Variants in BBOF1 observed in about 807,000 individuals in gnomAD.
BBOF1 encodes basal body orientation factor 1.
Under a neutral mutation model 68.0 loss-of-function variants are expected in BBOF1, and 62 were observed. The ratio of observed to expected loss-of-function variants is 0.91; its 90% CI spans 0.74 to 1.13. The LOEUF (loss-of-function observed/expected upper bound fraction) is 1.13, where lower values mean the gene tolerates loss of function less well. BBOF1 is among the 50% of genes most tolerant of loss of function. The probability of loss-of-function intolerance (pLI) is 0.00; values close to 1 mark genes in which losing one functional copy is unlikely to be tolerated. For synonymous variants in BBOF1, 208 were observed against 198.8 expected, an observed-to-expected ratio of 1.05 and a Z score of -0.39; for missense variants, 534 against 600.1, an observed-to-expected ratio of 0.89 and a Z score of 1.15.
chr14:74,060,106 A>G (rs1595101645), intron 11 of BBOF1: 1 of 160,582 alleles, frequency 6.2e-6, no homozygotes, highest in African/African-American at 2.4e-5. Flanking sequence ...TTCCCCATCT[A>G]AGAGTTCTTC....
intron 9 of BBOF1, chr14:74,072,154 A>T (rs2060558905): frequency 6.2e-7 from 1 of 1,613,442 alleles, no homozygotes; most frequent in Non-Finnish European, 8.5e-7. Flanking sequence ...AGAGTGACAA[A>T]CATGCCCTAG....
chr14:74,050,504 T>A lies in BBOF1; in HGVS notation c.1286+309T>A, dbSNP rs550717846. On this transcript the variant is annotated intron_variant, in intron 8 of 11. Transcript: ENST00000394009. ...GGTCATTATGTATCTTTTCACTTGT[T>A]CCTTTGTTTCCCATAAATTGGACAT... 3.9e-5 allele frequency among the ~76,000 whole-genome samples: 6 copies of A among 152,304 alleles called. No homozygotes were observed. The South Asian group carries it at 1.2e-3, about 32-fold the overall frequency.
downstream of BBOF1, chr14:74,068,928 A>G: frequency 6.2e-7 from 1 of 1,614,024 alleles, no homozygotes; most frequent in Non-Finnish European, 8.5e-7. Context: ...GCCTTGTTGG[A>G]TCCCACAAAG....
Position 74,019,369 on chromosome 14 carries a change from G to GGC in BBOF1, c.-106_-105dup. The GGC allele has an allele frequency of 7.3e-7, 1 of 1,367,084 alleles. No individual in the cohort carries two copies. Among genetic ancestry groups the GGC allele is most frequent in the Non-Finnish European group, 9.5e-7 (1 of 1,049,962 alleles). The allele number at this position is 1,367,084 out of a possible 1,614,324, so 84.7% of individuals were successfully genotyped here. A position where few individuals can be genotyped will look rare whatever the true frequency, so the allele number is the denominator to read the frequency against. ...CGTGCGCTCTCCGCGCGCCGTCAGC[G>GGC]GCGCGGGTGGGGCATTGCCAGCTCG... On this transcript the variant is annotated 5_prime_UTR_variant, in exon 1 of 12. Coordinates refer to ENST00000394009, the MANE Select transcript of BBOF1 (RefSeq NM_025057.3).
At chr14:74,050,441 A>G (rs1310857683) in intron 8 of BBOF1, among the ~76,000 whole-genome samples, 2 of 152,166 alleles carry the variant, frequency 1.3e-5, no homozygotes, top group African/African-American at 2.4e-5. Flanking sequence ...TAAGGAGACT[A>G]TTTTTCCCAT....
At chr14:74,054,373 G>GT (rs1213278472) in intron 8 of BBOF1, among the ~76,000 whole-genome samples, 8 of 149,116 alleles carry the variant, frequency 5.4e-5, no homozygotes, top group Middle Eastern at 3.4e-3. Flanking sequence ...TTACATTACA[G>GT]TTTTTTTTGT....
At chr14:74,043,752 C>T (rs1477644619) in intron 5 of BBOF1, among the ~76,000 whole-genome samples, 3 of 148,630 alleles carry the variant, frequency 2.0e-5, no homozygotes, top group South Asian at 2.3e-4. Context: ...AGGCTGGTCT[C>T]GAACTCCTGA....
At position 74,030,868 on chromosome 14, in the gene BBOF1, A is replaced by G. The variant is rs189268874; in HGVS notation, c.351+1619A>G. 2.2e-3 allele frequency among the ~76,000 whole-genome samples: 339 copies of G among 151,832 alleles called. 5 individuals are homozygous for G. In the Middle Eastern group the frequency reaches 0.045, roughly 20 times the overall value. On this transcript the variant is annotated intron_variant, in intron 3 of 11. Transcript: ENST00000394009. ...TGTTTTATCCTCTCTTTAAAAAAAA[A>G]GGTTGCTTAAAAAATTGTTTCCTTA...
At chr14:74,081,287 T>C (rs1011651435) in intron 12 of BBOF1, 1 of 152,210 alleles carries the variant, frequency 6.6e-6, no homozygotes, top group African/African-American at 2.4e-5. Flanking sequence ...AAGTACTTAG[T>C]AAGCAATATT....
chr14:74,060,490 G>C, intron 11 of BBOF1: 1 of 698,170 alleles, frequency 1.4e-6, no homozygotes, highest in South Asian at 1.5e-5. Context: ...GTTCCCTATA[G>C]AAACTTTGCG....
chr14:74,053,862 C>A (rs1443963301), intron 8 of BBOF1, among the ~76,000 whole-genome samples: 3 of 151,874 alleles, frequency 2.0e-5, no homozygotes, highest in Non-Finnish European at 4.4e-5. Flanking sequence ...CAGGTGCATG[C>A]CACCACGTCT....
chr14:74,033,940 T>A, intron 3 of BBOF1, 88 bp from the exon 4 acceptor site: 1 of 867,862 alleles, frequency 1.2e-6, no homozygotes, highest in Non-Finnish European at 1.7e-6. Context: ...AAAGAAGATA[T>A]GCAAATGGCG....
At chr14:74,021,263 C>T (rs1336380389) in intron 1 of BBOF1, among the ~76,000 whole-genome samples, 1 of 152,052 alleles carries the variant, frequency 6.6e-6, no homozygotes, top group Non-Finnish European at 1.5e-5. Flanking sequence ...TTCCTCTCCA[C>T]CTCTATATAA....
downstream of BBOF1, chr14:74,068,752 G>C: frequency 7.4e-7 from 1 of 1,349,378 alleles, no homozygotes; most frequent in Non-Finnish European, 1.0e-6. Context: ...AAAAAAGAAA[G>C]AAACACTGAC....
intron 6 of BBOF1, among the ~76,000 whole-genome samples, chr14:74,047,706 TG>T (rs1399154003): frequency 1.3e-5 from 2 of 152,174 alleles, no homozygotes; most frequent in Non-Finnish European, 2.9e-5. Flanking sequence ...CTCAAAGTGC[TG>T]GGATTATAGA....
intron 11 of BBOF1, chr14:74,060,524 T>G: frequency 9.8e-6 from 8 of 814,718 alleles, no homozygotes; most frequent in East Asian, 2.5e-5. Context: ...CTGAGGAAGA[T>G]TTTAGTTACA....
At chr14:74,045,273 A>G in intron 5 of BBOF1, among the ~76,000 whole-genome samples, 1 of 151,944 alleles carries the variant, frequency 6.6e-6, no homozygotes, top group East Asian at 1.9e-4. Context: ...AGTATCTAAA[A>G]CAGTCTGGTA....
At chr14:74,024,194 C>A (rs1445565813) in intron 2 of BBOF1, among the ~76,000 whole-genome samples, 1 of 152,082 alleles carries the variant, frequency 6.6e-6, no homozygotes, top group African/African-American at 2.4e-5. Context: ...TGTGGTAGCT[C>A]ATGCCTATAA....
intron 10 of BBOF1, among the ~76,000 whole-genome samples, chr14:74,080,278 A>G (rs2060657475): frequency 6.6e-6 from 1 of 151,824 alleles, no homozygotes; most frequent in Non-Finnish European, 1.5e-5. Context: ...CTGTCCTGCC[A>G]TTATCCCAGT....
Sources: gnomAD v4.1 joint callset for allele counts (sites outside exome capture counted in the v4.1 genomes callset) on GRCh38, gnomAD v4.1.1 for gene constraint, MANE v1.5 for transcripts, NCBI Gene and HGNC (gene_info 2026-07-23, HGNC 2026-07-21) for gene names.